Variants in PACC1 observed in about 807,000 individuals in gnomAD.
PACC1 encodes the protein proton activated chloride channel 1, also known as proton-activated chloride channel.
Under a neutral mutation model 39.7 loss-of-function variants are expected in PACC1, and 34 were observed. That is an observed-to-expected ratio of 0.86 (90% CI 0.65 to 1.14). The LOEUF (loss-of-function observed/expected upper bound fraction) is 1.14. PACC1 is among the 50% of genes most tolerant of loss of function. PACC1 has a pLI of 0.00. For missense variants in PACC1, 379 were observed against 436.4 expected (o/e 0.87, Z 1.17); for synonymous variants, 127 against 160.6 (o/e 0.79, Z 1.58).
chr1:212,404,168 G>A (rs1043049086), intron 2 of PACC1, among the ~76,000 whole-genome samples: 6 of 151,616 alleles, frequency 4.0e-5, no homozygotes, highest in African/African-American at 9.7e-5. Context: ...GTACAGTGGC[G>A]CGATCTCAGC....
At position 212,383,959 on chromosome 1, in the gene PACC1, G is replaced by A. The variant is rs544559701; in HGVS notation, c.495+1315C>T. On this transcript the variant is annotated intron_variant, in intron 4 of 7. Transcript: ENST00000261455. ...TCTGCATACCTGGGGAGGGTATAGG[G>A]TGTGTCTGGCCCAGCCAACAGGCAG... 2.0e-5 allele frequency among the ~76,000 whole-genome samples: 3 copies of A among 152,174 alleles called. No individual in the cohort carries two copies. The South Asian group carries it at 6.2e-4, about 32-fold the overall frequency.
chr1:212,389,256 C>G (rs1441726350), intron 2 of PACC1, among the ~76,000 whole-genome samples: 2 of 152,158 alleles, frequency 1.3e-5, no homozygotes, highest in Non-Finnish European at 2.9e-5. Flanking sequence ...GGGAGGGAGC[C>G]ACACAGGGGG....
chr1:212,382,148 CCT>C (rs1337284632), intron 4 of PACC1, among the ~76,000 whole-genome samples: 1 of 152,072 alleles, frequency 6.6e-6, no homozygotes, highest in Non-Finnish European at 1.5e-5. Context: ...AGGCGATTCT[CCT>C]GTCTTGCCCT....
intron 2 of PACC1, among the ~76,000 whole-genome samples, chr1:212,390,381 C>T (rs1003997129): frequency 6.6e-6 from 1 of 150,398 alleles, no homozygotes; most frequent in Admixed American, 6.6e-5. Context: ...TGAGATCACG[C>T]CATTGCACTC....
intron 2 of PACC1, among the ~76,000 whole-genome samples, chr1:212,396,842 ATCTATC>A (rs1661544832): frequency 1.5e-5 from 2 of 132,422 alleles, no homozygotes; most frequent in Admixed American, 1.5e-4. Flanking sequence ...CTATCTATCT[ATCTATC>A]TATTACATAT....
chr1:212,390,850 C>G (rs1322595892), intron 2 of PACC1, among the ~76,000 whole-genome samples: 1 of 152,212 alleles, frequency 6.6e-6, no homozygotes, highest in Non-Finnish European at 1.5e-5. Flanking sequence ...ATTGCTAGCA[C>G]AGCAGTCTGA....
chr1:212,405,758 C>A (rs986920364), intron 2 of PACC1, among the ~76,000 whole-genome samples: 1 of 152,146 alleles, frequency 6.6e-6, no homozygotes, highest in African/African-American at 2.4e-5. Flanking sequence ...TATTCCTTAA[C>A]GTCTGTGCCT....
At chr1:212,369,940 T>C (rs1660383865) in intron 7 of PACC1, among the ~76,000 whole-genome samples, 1 of 152,122 alleles carries the variant, frequency 6.6e-6, no homozygotes, top group Non-Finnish European at 1.5e-5. Flanking sequence ...GGGAGTCAAT[T>C]CAACAAGAAG....
chr1:212,381,308 C>A (rs1431608495), intron 4 of PACC1, among the ~76,000 whole-genome samples: 1 of 152,200 alleles, frequency 6.6e-6, no homozygotes. Flanking sequence ...ATCCTTCTTG[C>A]AAACTTTTGC....
intron 2 of PACC1, among the ~76,000 whole-genome samples, chr1:212,408,633 A>G (rs956489338): frequency 3.3e-5 from 5 of 152,186 alleles, no homozygotes; most frequent in African/African-American, 7.2e-5. Flanking sequence ...AAGTGCTGGC[A>G]TTACAGGCAT....
chr1:212,392,495 T>G (rs903066915), intron 2 of PACC1, among the ~76,000 whole-genome samples: 40 of 152,296 alleles, frequency 2.6e-4, no homozygotes, highest in African/African-American at 9.6e-4. Context: ...ACATGCTAAA[T>G]TGTAAAGACC....
At chr1:212,370,344 C>T (rs904321806) in intron 7 of PACC1, among the ~76,000 whole-genome samples, 1 of 152,232 alleles carries the variant, frequency 6.6e-6, no homozygotes, top group African/African-American at 2.4e-5. Context: ...TGGCAGGCGC[C>T]TGTAGTCCCA....
chr1:212,367,795 T>A (rs550736728), intron 7 of PACC1, among the ~76,000 whole-genome samples: 1 of 152,146 alleles, frequency 6.6e-6, no homozygotes, highest in Admixed American at 6.5e-5. Context: ...CCGAATCCCC[T>A]AATTATAGGC....
chr1:212,408,668 A>C (rs1054567872), intron 2 of PACC1, among the ~76,000 whole-genome samples: 1 of 152,184 alleles, frequency 6.6e-6, no homozygotes, highest in Non-Finnish European at 1.5e-5. Flanking sequence ...GGTCCCTTCC[A>C]TGCAGTCTTC....
chr1:212,372,584 A>G (rs1256674465), intron 7 of PACC1, among the ~76,000 whole-genome samples: 3 of 152,206 alleles, frequency 2.0e-5, no homozygotes, highest in Non-Finnish European at 2.9e-5. Context: ...ATGATCTTAT[A>G]TTTTGAAAAA....
intron 2 of PACC1, among the ~76,000 whole-genome samples, chr1:212,397,336 A>G (rs1448708344): frequency 6.6e-6 from 1 of 152,260 alleles, no homozygotes; most frequent in African/African-American, 2.4e-5. Context: ...ATCAATAATC[A>G]CATCAAATGT....
intron 2 of PACC1, among the ~76,000 whole-genome samples, chr1:212,391,890 G>A (rs1040413855): frequency 8.6e-5 from 13 of 151,994 alleles, no homozygotes; most frequent in African/African-American, 3.1e-4. Context: ...GAAGTTTAGA[G>A]AAAAAAAGAA....
In PACC1 at chr1:212,375,219, C is replaced by G; in HGVS notation, c.865G>C (p.Asp289His). ...TCTTGGACTTTCTGGATGAAAGGAT[C>G]TTTCCATTCAAAGACCACAAAAAAC... ...QLFFVVFEWK[D>H]PFIQKVQDIV... is the part of the protein sequence containing the mutation. The change falls in exon 7 of 8, where the codon GAT (aspartate) becomes CAT (histidine). Residue 289 changes from aspartate (D) to histidine (H), a missense_variant. By Grantham distance (81) the Asp-to-His change is moderately conservative. Coordinates refer to ENST00000261455, the MANE Select transcript of PACC1 (RefSeq NM_018252.3). 1 of 1,613,642 alleles carries G rather than the reference C, an allele frequency of 6.2e-7. No homozygotes were observed. Among genetic ancestry groups the G allele is most frequent in the Non-Finnish European group, 8.5e-7 (1 of 1,179,666 alleles).
intron 2 of PACC1, among the ~76,000 whole-genome samples, chr1:212,402,396 G>C (rs945015046): frequency 1.3e-5 from 2 of 152,142 alleles, no homozygotes; most frequent in Non-Finnish European, 2.9e-5. Flanking sequence ...ATTTAGAGTT[G>C]CATTTCCTTG....
Sources: allele counts gnomAD v4.1 joint callset (sites outside exome capture counted in the v4.1 genomes callset), GRCh38; gene constraint gnomAD v4.1.1; transcripts MANE v1.5; gene names NCBI Gene and HGNC (gene_info 2026-07-23, HGNC 2026-07-21).